SLC6A4: variants seen among roughly 807,000 people sequenced by gnomAD.
SLC6A4 encodes the protein solute carrier family 6 member 4, also known as sodium-dependent serotonin transporter.
A neutral mutation model predicts 73.4 loss-of-function variants in SLC6A4; 22 were observed. The observed-to-expected ratio is 0.30, with a 90% CI of 0.21 to 0.43. The LOEUF (loss-of-function observed/expected upper bound fraction) is 0.43, where lower values mean the gene tolerates loss of function less well. Among genes scored for constraint, SLC6A4 ranks in the 20% least tolerant of loss-of-function variants. The pLI is 1.00. For synonymous variants in SLC6A4, 270 were observed against 315.5 expected (o/e 0.86, Z 1.53); for missense variants, 593 against 808.5 (o/e 0.73, Z 3.23).
chr17:30,202,510 A>G (rs1010492277), intron 14 of SLC6A4, among the ~76,000 whole-genome samples: 2 of 152,338 alleles, frequency 1.3e-5, no homozygotes, highest in South Asian at 2.1e-4. Context: ...CTCCCAAGGT[A>G]CTTTGATAAC....
chr17:30,208,432 G>A (rs1906275438), intron 12 of SLC6A4, among the ~76,000 whole-genome samples: 1 of 152,128 alleles, frequency 6.6e-6, no homozygotes, highest in Non-Finnish European at 1.5e-5. Flanking sequence ...AACTCCCAAA[G>A]AAGAGTGAGA....
chr17:30,229,061 G>A (rs1443927932), intron 1 of SLC6A4, among the ~76,000 whole-genome samples: 2 of 152,176 alleles, frequency 1.3e-5, no homozygotes, highest in Non-Finnish European at 2.9e-5. Flanking sequence ...TCTATTCTAA[G>A]GGGCCCTGTC....
chr17:30,207,938 G>A, intron 12 of SLC6A4, 106 bp from the exon 13 acceptor site: 1 of 763,816 alleles, frequency 1.3e-6, no homozygotes. Context: ...TCAGCACTGG[G>A]AATGACAAGG....
chr17:30,208,087 C>T (rs1271518021), intron 12 of SLC6A4, among the ~76,000 whole-genome samples: 1 of 152,088 alleles, frequency 6.6e-6, no homozygotes, highest in Non-Finnish European at 1.5e-5. Context: ...TTATAGCAAG[C>T]AAGACTCTTT....
At chr17:30,226,876 A>AAAAAAAAAAAG (rs1449328646) in intron 1 of SLC6A4, among the ~76,000 whole-genome samples, 1 of 122,984 alleles carries the variant, frequency 8.1e-6, no homozygotes, top group Admixed American at 7.7e-5. Context: ...CTGTCTCAAA[A>AAAAAAAAAAAG]AAAAAAGAAA....
chr17:30,205,067 G>A (rs141603806), intron 13 of SLC6A4, among the ~76,000 whole-genome samples: 4 of 152,288 alleles, frequency 2.6e-5, no homozygotes, highest in African/African-American at 9.6e-5. Context: ...GGATCTAACA[G>A]GGCCAGATGA....
Position 30,226,078 on chromosome 17 carries a change from A to G in SLC6A4, c.-220-3163T>C, listed in dbSNP as rs1597645040. Among the ~76,000 whole-genome samples, 2 of 152,258 alleles carry G rather than the reference A, an allele frequency of 1.3e-5. 1 individual carries two copies. The highest frequency in any genetic ancestry group is 3.8e-4 in the East Asian group (2 of 5,206). ...TGCCTTCTAAGCAGAAAGACACTACAGAAATGTTGAACTTTGACTTCATGT... is the reference window on the plus strand; with the variant it reads ...TGCCTTCTAAGCAGAAAGACACTACGGAAATGTTGAACTTTGACTTCATGT... On this transcript the variant is annotated intron_variant, in intron 1 of 14. Transcript: ENST00000650711.
chr17:30,198,318 CTG>C lies in SLC6A4; in HGVS notation c.*136_*137del. The C allele has an allele frequency of 3.4e-6, 2 of 583,266 alleles. No homozygotes were observed. The highest frequency in any genetic ancestry group is 4.6e-5 in the South Asian group (2 of 43,420). 36.1% of individuals were successfully genotyped at this position (583,266 alleles called of 1,614,324 possible). ...GGAGGCCTTGAGTCTGGGCACCAGA[CTG>C]TGTCCCTGTGGAGAAGGCCCTTCCA... is the stretch of plus-strand genomic sequence containing the variant. On this transcript the variant is annotated 3_prime_UTR_variant, in exon 15 of 15. Transcript: ENST00000650711.
chr17:30,228,380 A>C (rs1005815448), intron 1 of SLC6A4, among the ~76,000 whole-genome samples: 1 of 152,242 alleles, frequency 6.6e-6, no homozygotes, highest in East Asian at 1.9e-4. Context: ...TGATGTCACT[A>C]TCACCACCAT....
chr17:30,204,427 C>T (rs966931135), intron 13 of SLC6A4: 1 of 152,042 alleles, frequency 6.6e-6, no homozygotes, highest in Non-Finnish European at 1.5e-5. Flanking sequence ...AAACCTTCCT[C>T]CTAACCCAGG....
intron 1 of SLC6A4, among the ~76,000 whole-genome samples, chr17:30,230,550 A>G (rs73987804): frequency 6.6e-6 from 1 of 152,334 alleles, no homozygotes; most frequent in Non-Finnish European, 1.5e-5. Context: ...AGAGGAAAAA[A>G]CAACCCCAGG....
Position 30,235,183 on chromosome 17 carries a change from G to A in SLC6A4, c.-221+430C>T, listed in dbSNP as rs1266054883. The stretch of plus-strand genomic sequence containing the variant: ...TTGTGTCAACCAGAACTCTCCCTTT[G>A]CATAAAGCCACCTGCACGCGATGAC... On this transcript the variant is annotated intron_variant, in intron 1 of 14. Coordinates refer to ENST00000650711, the MANE Select transcript of SLC6A4 (RefSeq NM_001045.6). The surrounding 1 kb of genome is among the most constrained non-coding windows in gnomAD (Gnocchi z 4.5). 2.0e-5 allele frequency among the ~76,000 whole-genome samples: 3 copies of A among 152,096 alleles called. No homozygotes were observed. Among genetic ancestry groups the A allele is most frequent in the Admixed American group, 6.5e-5 (1 of 15,268 alleles).
intron 1 of SLC6A4, among the ~76,000 whole-genome samples, chr17:30,223,795 G>T (rs914875990): frequency 6.6e-6 from 1 of 151,974 alleles, no homozygotes; most frequent in African/African-American, 2.4e-5. Flanking sequence ...TGACAAGAGC[G>T]GTCTCCATAA....
chr17:30,216,840 TTTTTTTG>T (rs1007805720), intron 6 of SLC6A4, among the ~76,000 whole-genome samples: 5 of 125,900 alleles, frequency 4.0e-5, no homozygotes, highest in African/African-American at 1.4e-4. Context: ...GGCTATTGTT[TTTTTTTG>T]TTTGTTTGTT....
rs199877226 is a variant in SLC6A4, at chr17:30,198,215, G to A, written c.*241C>T. 14 of 406,732 alleles carry A rather than the reference G, an allele frequency of 3.4e-5. No individual in the cohort carries two copies. Among genetic ancestry groups the A allele is most frequent in the Non-Finnish European group, 6.1e-5 (14 of 229,908 alleles). The allele number at this position is 406,732 out of a possible 1,614,324, so 25.2% of individuals were successfully genotyped here. ...ATCACCTCCATCCACATCCTCACACGTCCAAAATAGGCCAGCTCAGCTGTG... is the reference window on the plus strand; with the variant it reads ...ATCACCTCCATCCACATCCTCACACATCCAAAATAGGCCAGCTCAGCTGTG... On this transcript the variant is annotated 3_prime_UTR_variant, in exon 15 of 15. Transcript: ENST00000650711.
At position 30,215,679 on chromosome 17, in the gene SLC6A4, A is replaced by G; in HGVS notation, c.1008T>C (p.Ser336=). The part of the protein sequence containing the change: ...WIDAAAQIFF[S]LGPGFGVLLA... ...GCAGGACCCCAAAGCCCGGACCAAG[A>G]GAGAAGAAGATCTGAGCGGCTGCAT... is the stretch of plus-strand genomic sequence containing the variant. The change falls in exon 8 of 15, where the codon TCT becomes TCC. Residue 336 remains serine (S), a synonymous_variant. Coordinates refer to ENST00000650711, the MANE Select transcript of SLC6A4 (RefSeq NM_001045.6). 1 of 1,614,060 alleles carries G rather than the reference A, an allele frequency of 6.2e-7. No homozygotes were observed. Among genetic ancestry groups the G allele is most frequent in the Non-Finnish European group, 8.5e-7 (1 of 1,180,016 alleles).
chr17:30,233,242 A>T (rs1907167686), intron 1 of SLC6A4, among the ~76,000 whole-genome samples: 1 of 152,174 alleles, frequency 6.6e-6, no homozygotes, highest in Non-Finnish European at 1.5e-5. Context: ...GGCTGTTAAT[A>T]GCCCAGGGAC....
intron 8 of SLC6A4, 45 bp from the exon 9 acceptor site, chr17:30,212,912 C>A: frequency 6.2e-7 from 1 of 1,609,270 alleles, no homozygotes; most frequent in South Asian, 1.1e-5. Flanking sequence ...GTTCCAAGAT[C>A]AGGGGTCTAA....
intron 11 of SLC6A4, 126 bp from the exon 12 acceptor site, chr17:30,209,368 G>C: frequency 1.6e-6 from 1 of 624,348 alleles, no homozygotes; most frequent in Non-Finnish European, 2.8e-6. Context: ...CCGAACGTGA[G>C]TACCCCAGAA....
Sources: gnomAD v4.1 joint callset for allele counts (sites outside exome capture counted in the v4.1 genomes callset) on GRCh38, gnomAD v4.1.1 for gene constraint, Gnocchi (gnomAD v3.1) non-coding constraint, MANE v1.5 for transcripts, NCBI Gene and HGNC (gene_info 2026-07-23, HGNC 2026-07-21) for gene names.